Variants in TDRD10 observed in about 807,000 individuals in gnomAD.
TDRD10 encodes tudor domain-containing protein 10.
TDRD10 carries 40 observed loss-of-function variants against 48.0 expected under a neutral mutation model. The ratio of observed to expected loss-of-function variants is 0.83; its 90% CI spans 0.65 to 1.09. The LOEUF (loss-of-function observed/expected upper bound fraction) is 1.09. TDRD10 is among the 50% of genes least tolerant of loss of function. TDRD10 has a pLI of 0.00. For synonymous variants in TDRD10, 162 were observed against 170.4 expected (o/e 0.95, Z 0.38); for missense variants, 378 against 434.7 (o/e 0.87, Z 1.16).
intron 7 of TDRD10, among the ~76,000 whole-genome samples, chr1:154,542,466 G>A (rs72999422): frequency 0.19 from 28,897 of 152,124 alleles, 2,988 homozygotes; most frequent in South Asian, 0.23. Flanking sequence ...TGCCTTAAGT[G>A]ATCCTTCCAC....
At position 154,508,406 on chromosome 1, in the gene TDRD10, G is replaced by C; in HGVS notation, c.83-17G>C. ...ACCGTATGTATGCCTGCCATTTAAT[G>C]CTGTTTTTCTTCTTAGGATTCAAGA... On this transcript the variant is annotated splice_polypyrimidine_tract_variant and intron_variant, in intron 3 of 12. Coordinates refer to ENST00000368482, the MANE Select transcript of TDRD10 (RefSeq NM_182499.4). The C allele has an allele frequency of 6.3e-7, 1 of 1,579,574 alleles. No homozygotes were observed. Among genetic ancestry groups the C allele is most frequent in the Non-Finnish European group, 8.7e-7 (1 of 1,148,670 alleles).
chr1:154,505,790 G>A (rs1245626771), intron 1 of TDRD10, among the ~76,000 whole-genome samples: 3 of 149,156 alleles, frequency 2.0e-5, no homozygotes, highest in Non-Finnish European at 3.0e-5. Context: ...TAATACTCAC[G>A]GAATTGTAGA....
chr1:154,545,136 G>A (rs1313842456), intron 11 of TDRD10, among the ~76,000 whole-genome samples, 187 bp downstream of exon 11: 1 of 152,112 alleles, frequency 6.6e-6, no homozygotes, highest in Non-Finnish European at 1.5e-5. Flanking sequence ...TTCATGCCTG[G>A]GATCTGGAGC....
intron 11 of TDRD10, 102 bp downstream of exon 11, chr1:154,545,051 G>A (rs1695475049): frequency 7.5e-6 from 11 of 1,463,096 alleles, no homozygotes; most frequent in Non-Finnish European, 9.2e-6. Flanking sequence ...CGGCCAAGGT[G>A]CTTCAGTCTC....
intron 4 of TDRD10, among the ~76,000 whole-genome samples, chr1:154,516,007 G>A (rs1252963529): frequency 5.3e-5 from 8 of 152,090 alleles, no homozygotes; most frequent in Admixed American, 2.0e-4. Flanking sequence ...ATGAGGCACC[G>A]TGCCTGGCCA....
At chr1:154,542,177 T>C (rs373747170) in intron 7 of TDRD10, 111 bp downstream of exon 7, 1 of 1,067,032 alleles carries the variant, frequency 9.4e-7, no homozygotes. Flanking sequence ...TGATGACCCT[T>C]AGTGTAGAAA....
rs559924225 is a variant in TDRD10, at chr1:154,545,927, A to ATT, written c.952+1004_952+1005dup. Among the ~76,000 whole-genome samples, 213 of 85,490 alleles carry ATT rather than the reference A, an allele frequency of 2.5e-3. 8 individuals carry two copies. Among genetic ancestry groups the ATT allele is most frequent in the East Asian group, 9.2e-3 (29 of 3,168 alleles). 56.1% of individuals were successfully genotyped at this position (85,490 alleles called of 152,430 possible). A position where few individuals can be genotyped will look rare whatever the true frequency, so the allele number is the denominator to read the frequency against. On this transcript the variant is annotated intron_variant, in intron 11 of 12. Transcript: ENST00000368482. ...AGGCACGCACCACCACACCCAGCTA[A>ATT]TTTTTTTTTTTTTTTTTTTTTTTTT...
chr1:154,511,021 G>A (rs1693439204), intron 4 of TDRD10, among the ~76,000 whole-genome samples: 1 of 151,892 alleles, frequency 6.6e-6, no homozygotes, highest in Non-Finnish European at 1.5e-5. Flanking sequence ...ACTCCAGCCT[G>A]GGAGATAGAG....
In TDRD10 at chr1:154,521,468, C is replaced by A. The variant is rs1288257739; in HGVS notation, c.358C>A (p.Arg120=). 1.9e-6 allele frequency: 3 copies of A among 1,613,744 alleles called. No homozygotes were observed. The highest frequency in any genetic ancestry group is 2.5e-6 in the Non-Finnish European group (3 of 1,179,998). The change falls in exon 6 of 13, where the codon CGG becomes AGG. Residue 120 remains arginine, a synonymous_variant. Coordinates refer to ENST00000368482, the MANE Select transcript of TDRD10 (RefSeq NM_182499.4). ...KRTPDMIQQP[R]APLVLEKASG... is the part of the protein sequence containing the mutation. Reference sequence around the variant, plus strand: ...GACCCCTGATATGATCCAGCAGCCTCGGGCCCCGCTGGTATGTCTTCTGGC... The same window carrying A: ...GACCCCTGATATGATCCAGCAGCCTAGGGCCCCGCTGGTATGTCTTCTGGC...
Position 154,502,803 on chromosome 1 carries a change from T to A in TDRD10, c.-254T>A, listed in dbSNP as rs1297132838. 6.6e-6 allele frequency: 1 copy of A among 152,206 alleles called. No homozygotes were observed. The highest frequency in any genetic ancestry group is 1.5e-5 in the Non-Finnish European group (1 of 68,104). 9.4% of individuals were successfully genotyped at this position (152,206 alleles called of 1,614,324 possible). A position where few individuals can be genotyped will look rare whatever the true frequency, so the allele number is the denominator to read the frequency against. ...GTAGGGCAGAGGTTGCGGCCCGAGG[T>A]CCGGGCGCAGGGACAACGGTCGCCA... is the stretch of plus-strand genomic sequence containing the variant. On this transcript the variant is annotated 5_prime_UTR_variant, in exon 1 of 13. Coordinates refer to ENST00000368482, the MANE Select transcript of TDRD10 (RefSeq NM_182499.4).
chr1:154,515,906 G>A (rs1400301453), intron 4 of TDRD10, among the ~76,000 whole-genome samples: 1 of 151,946 alleles, frequency 6.6e-6, no homozygotes, highest in Non-Finnish European at 1.5e-5. Flanking sequence ...TAGTAGAGGC[G>A]GGGTTTCACC....
intron 6 of TDRD10, among the ~76,000 whole-genome samples, chr1:154,527,342 G>A (rs1308797312): frequency 1.3e-5 from 2 of 152,218 alleles, no homozygotes; most frequent in Admixed American, 1.3e-4. Flanking sequence ...AGGCTCATTC[G>A]TACACAGAAA....
intron 6 of TDRD10, among the ~76,000 whole-genome samples, chr1:154,526,977 T>C (rs1053502818): frequency 2.6e-4 from 39 of 152,052 alleles, no homozygotes; most frequent in African/African-American, 9.2e-4. Context: ...TGGCACAGTC[T>C]TGGCTAACTG....
intron 4 of TDRD10, among the ~76,000 whole-genome samples, chr1:154,519,256 G>C (rs1435633806): frequency 6.6e-6 from 1 of 152,192 alleles, no homozygotes; most frequent in Admixed American, 6.5e-5. Flanking sequence ...TAAGAGTAAA[G>C]CAAATTAGAA....
chr1:154,532,306 C>A (rs1462961311), intron 6 of TDRD10, among the ~76,000 whole-genome samples: 1 of 152,242 alleles, frequency 6.6e-6, no homozygotes, highest in Non-Finnish European at 1.5e-5. Flanking sequence ...GCTGCGGGAC[C>A]TGGTGCACCC....
intron 11 of TDRD10, among the ~76,000 whole-genome samples, chr1:154,547,124 T>C (rs1270079098): frequency 6.6e-6 from 1 of 152,204 alleles, no homozygotes; most frequent in East Asian, 1.9e-4. Flanking sequence ...CTGTCCCCAG[T>C]AGAATTTCTC....
At chr1:154,542,853 A>C in intron 8 of TDRD10, 32 bp downstream of exon 8, 1 of 1,567,542 alleles carries the variant, frequency 6.4e-7, no homozygotes, top group Non-Finnish European at 8.8e-7. Context: ...CACCAGGGCA[A>C]ATGGCGATTA....
chr1:154,544,472 G>A lies in TDRD10; in HGVS notation c.752G>A (p.Cys251Tyr), dbSNP rs772668703. The change falls in exon 10 of 13, where the codon TGT (cysteine) becomes TAT (tyrosine). Residue 251 changes from cysteine (C) to tyrosine (Y), a missense_variant. Cys to Tyr is a radical substitution (Grantham distance 194). This residue lies in a region of TDRD10 where 310 missense variants were observed against 323.6 expected (regional missense o/e 0.96). Coordinates refer to ENST00000368482, the MANE Select transcript of TDRD10 (RefSeq NM_182499.4). Reference protein sequence around the residue: ...EGSTVMRGTRCLAEYHLGDYG... With the variant: ...EGSTVMRGTRYLAEYHLGDYG... ...TCCACCGTTATGCGCGGGACTCGCT[G>A]TCTGGCAGAGTACCACCTGGGGGAT... The A allele has an allele frequency of 6.2e-7, 1 of 1,613,684 alleles. No individual in the cohort carries two copies. The highest frequency in any genetic ancestry group is 8.5e-7 in the Non-Finnish European group (1 of 1,179,934).
rs973483096 is a variant in TDRD10, at chr1:154,505,289, G to C, written c.-27-1588G>C. Reference sequence around the variant, plus strand: ...AGCTGCTTAGCATAGTACCTGGCAGGCCTTAAAGGCATCTTGCACGGATTT... The same window carrying C: ...AGCTGCTTAGCATAGTACCTGGCAGCCCTTAAAGGCATCTTGCACGGATTT... On this transcript the variant is annotated intron_variant, in intron 1 of 12. Coordinates refer to ENST00000368482, the MANE Select transcript of TDRD10 (RefSeq NM_182499.4). Among the ~76,000 whole-genome samples the C allele has an allele frequency of 4.6e-5, 7 of 152,206 alleles. No homozygotes were observed. In the South Asian group the frequency reaches 6.2e-4, roughly 13 times the overall value.
Sources: allele counts gnomAD v4.1 joint callset (sites outside exome capture counted in the v4.1 genomes callset), GRCh38; gene constraint gnomAD v4.1.1; regional missense constraint gnomAD v4.1.1; transcripts MANE v1.5; gene names NCBI Gene and HGNC (gene_info 2026-07-23, HGNC 2026-07-21).